CCSER2: variants seen among roughly 807,000 people sequenced by gnomAD.
CCSER2 encodes serine-rich coiled-coil domain-containing protein 2.
In CCSER2, 46 loss-of-function variants were observed where a neutral mutation model predicts 92.3. That is an observed-to-expected ratio of 0.50 (90% CI 0.39 to 0.64). The LOEUF is 0.64. Ranked by LOEUF, CCSER2 falls within the 30% of genes least tolerant of loss-of-function variation. CCSER2 has a pLI of 0.00. For missense variants in CCSER2, 1,244 were observed against 1,238.9 expected, an observed-to-expected ratio of 1.00 and a Z score of -0.06; for synonymous variants, 433 against 431.4, an observed-to-expected ratio of 1.00 and a Z score of -0.04.
Position 84,477,558 on chromosome 10 carries a change from T to G in CCSER2, c.2236-17T>G, listed in dbSNP as rs754980570. 6.7e-7 allele frequency: 1 copy of G among 1,490,492 alleles called. No homozygotes were observed. The highest frequency in any genetic ancestry group is 2.3e-5 in the East Asian group (1 of 44,164). 92.3% of individuals were successfully genotyped at this position (1,490,492 alleles called of 1,614,324 possible). A position where few individuals can be genotyped will look rare whatever the true frequency, so the allele number is the denominator to read the frequency against. On this transcript the variant is annotated splice_polypyrimidine_tract_variant and intron_variant, in intron 8 of 9. Transcript: ENST00000372088. ...TGCAGAATTAAACCAATGTAAAAAT[T>G]TTGTGTTTTTGTTTAGGCAACTCAG...
chr10:84,358,682 A>G (rs982521419), intron 1 of CCSER2, among the ~76,000 whole-genome samples: 15 of 148,904 alleles, frequency 1.0e-4, no homozygotes, highest in Middle Eastern at 3.6e-3. Context: ...ATGTATATAT[A>G]TATACACACA....
intron 1 of CCSER2, among the ~76,000 whole-genome samples, chr10:84,355,932 G>A (rs892378926): frequency 1.9e-4 from 29 of 152,146 alleles, no homozygotes; most frequent in African/African-American, 6.3e-4. Context: ...GTGAAACCCT[G>A]TCTCTACTAA....
chr10:84,420,434 G>C (rs1319775029), intron 4 of CCSER2, among the ~76,000 whole-genome samples: 1 of 152,114 alleles, frequency 6.6e-6, no homozygotes, highest in African/African-American at 2.4e-5. Flanking sequence ...ATCTAGGTTT[G>C]GTACTATAGG....
intron 9 of CCSER2, among the ~76,000 whole-genome samples, chr10:84,482,063 T>TA: frequency 6.6e-6 from 1 of 152,276 alleles, no homozygotes; most frequent in Admixed American, 6.5e-5. Context: ...GATATCTACT[T>TA]ACATGGATAT....
rs558806146 is a variant in CCSER2, at chr10:84,509,631, G to T, written c.2326-3818G>T. On this transcript the variant is annotated intron_variant, in intron 9 of 9. Coordinates refer to ENST00000372088, the MANE Select transcript of CCSER2 (RefSeq NM_001284240.2). The stretch of plus-strand genomic sequence containing the variant: ...GTAAGACTTGAAGTTGCTGAGTTCA[G>T]TTAGAGGCACTTAGCTCTGTAAGTC... Among the ~76,000 whole-genome samples, 5 of 152,314 alleles carry T rather than the reference G, an allele frequency of 3.3e-5. No individual in the cohort carries two copies. The East Asian group carries it at 9.6e-4, about 29-fold the overall frequency.
At chr10:84,490,725 C>T (rs573642804) in intron 9 of CCSER2, among the ~76,000 whole-genome samples, 23 of 152,312 alleles carry the variant, frequency 1.5e-4, no homozygotes, top group African/African-American at 4.8e-4. Flanking sequence ...CTTCTGAAGC[C>T]TTCTTCTCTC....
Position 84,441,736 on chromosome 10 carries a change from GTTTTTTTTTTTTTTTTTTTTTTTTTT to G in CCSER2, c.2064+3044_2064+3069del, listed in dbSNP as rs869280119. 8.9e-4 allele frequency among the ~76,000 whole-genome samples: 39 copies of G among 43,646 alleles called. 1 individual carries two copies. The highest frequency in any genetic ancestry group is 2.3e-3 in the African/African-American group (31 of 13,668). The allele number at this position is 43,646 out of a possible 152,430, so 28.6% of individuals were successfully genotyped here. On this transcript the variant is annotated intron_variant, in intron 6 of 9. Transcript: ENST00000372088. ...GAATAAAGTAGAAGACTGGGAAAAT[GTTTTTTTTTTTTTTTTTTTTTTTTTT>G]TTTTTTTTTTTTTTGAGACGAAGTC...
intron 1 of CCSER2, among the ~76,000 whole-genome samples, chr10:84,344,829 G>A (rs1399117120): frequency 1.3e-5 from 2 of 152,198 alleles, no homozygotes; most frequent in African/African-American, 2.4e-5. Flanking sequence ...GCCGCAATTC[G>A]AAGGCTTGGG....
Position 84,425,907 on chromosome 10 carries a change from T to C in CCSER2, c.1868+14T>C. The C allele has an allele frequency of 2.0e-6, 3 of 1,465,424 alleles. No homozygotes were observed. Among genetic ancestry groups the C allele is most frequent in the Non-Finnish European group, 2.7e-6 (3 of 1,092,080 alleles). The allele number at this position is 1,465,424 out of a possible 1,614,324, so 90.8% of individuals were successfully genotyped here. Reference sequence around the variant, plus strand: ...TGACTTGAGCAGGTAAGTACTGTTCTGACTTAGATTTCATTTGCTGTCCTC... The same window carrying C: ...TGACTTGAGCAGGTAAGTACTGTTCCGACTTAGATTTCATTTGCTGTCCTC... On this transcript the variant is annotated intron_variant, in intron 5 of 9. Coordinates refer to ENST00000372088, the MANE Select transcript of CCSER2 (RefSeq NM_001284240.2).
chr10:84,478,593 GAATT>G (rs1847288809), intron 9 of CCSER2, among the ~76,000 whole-genome samples: 1 of 152,116 alleles, frequency 6.6e-6, no homozygotes, highest in Non-Finnish European at 1.5e-5. Flanking sequence ...ACAATGGTAG[GAATT>G]AATTTATTCA....
chr10:84,415,476 G>T (rs1164871986), intron 3 of CCSER2, among the ~76,000 whole-genome samples: 1 of 152,144 alleles, frequency 6.6e-6, no homozygotes, highest in Admixed American at 6.6e-5. Flanking sequence ...CTTACCTGGA[G>T]ATATCACCAG....
intron 1 of CCSER2, among the ~76,000 whole-genome samples, chr10:84,361,358 T>G (rs970114646): frequency 6.6e-6 from 1 of 152,208 alleles, no homozygotes; most frequent in Non-Finnish European, 1.5e-5. Flanking sequence ...TTGACTTGCT[T>G]GCCTTACAAT....
chr10:84,479,482 T>A (rs116177358), intron 9 of CCSER2, among the ~76,000 whole-genome samples: 140 of 152,138 alleles, frequency 9.2e-4, no homozygotes, highest in African/African-American at 3.3e-3. Flanking sequence ...GCAAATAAGA[T>A]CTCTGAAGTA....
rs1002918333 is a variant in CCSER2 at position 84,470,568 on chromosome 10, T to G, written c.2235+110T>G. 4 of 888,558 alleles carry G rather than the reference T, an allele frequency of 4.5e-6. No individual in the cohort carries two copies. In the African/African-American group the frequency reaches 7.1e-5, roughly 16 times the overall value. The allele number at this position is 888,558 out of a possible 1,614,324, so 55.0% of individuals were successfully genotyped here. On this transcript the variant is annotated intron_variant, in intron 8 of 9. Coordinates refer to ENST00000372088, the MANE Select transcript of CCSER2 (RefSeq NM_001284240.2). ...TAGCTTTATTTTTGGCTCTCAAAGT[T>G]GCACTTTTATATTATTTTTAGATTA...
intron 6 of CCSER2, among the ~76,000 whole-genome samples, chr10:84,441,566 G>C (rs1844536903): frequency 6.6e-6 from 1 of 151,756 alleles, no homozygotes; most frequent in Non-Finnish European, 1.5e-5. Flanking sequence ...TCAGGACTTT[G>C]TACATGGCCA....
chr10:84,364,923 G>A (rs868533251), intron 1 of CCSER2, among the ~76,000 whole-genome samples: 2 of 151,698 alleles, frequency 1.3e-5, no homozygotes, highest in Admixed American at 6.6e-5. Flanking sequence ...TGTATTTGTG[G>A]CAGAGACAGG....
Position 84,510,081 on chromosome 10 carries a change from G to A in CCSER2, c.2326-3368G>A, listed in dbSNP as rs937309622. Reference sequence around the variant, plus strand: ...TCATCTATATCTCCCATCATCTACAGCACAAAGTCATAGCTACTTAGCCTG... The same window carrying A: ...TCATCTATATCTCCCATCATCTACAACACAAAGTCATAGCTACTTAGCCTG... On this transcript the variant is annotated intron_variant, in intron 9 of 9. Coordinates refer to ENST00000372088, the MANE Select transcript of CCSER2 (RefSeq NM_001284240.2). 5.3e-5 allele frequency among the ~76,000 whole-genome samples: 8 copies of A among 152,112 alleles called. No homozygotes were observed. In the East Asian group the frequency reaches 1.2e-3, roughly 22 times the overall value.
chr10:84,365,738 GAA>G (rs1258786694), intron 1 of CCSER2, among the ~76,000 whole-genome samples: 1 of 152,126 alleles, frequency 6.6e-6, no homozygotes, highest in Non-Finnish European at 1.5e-5. Flanking sequence ...TCTTAGGCAG[GAA>G]AATAGAGGCA....
At chr10:84,465,079 T>C (rs1008933908) in intron 7 of CCSER2, among the ~76,000 whole-genome samples, 4 of 152,104 alleles carry the variant, frequency 2.6e-5, no homozygotes, top group East Asian at 1.9e-4. Flanking sequence ...CTACTCTCAG[T>C]ATAATACATT....
Sources: allele counts gnomAD v4.1 joint callset (sites outside exome capture counted in the v4.1 genomes callset), GRCh38; gene constraint gnomAD v4.1.1; transcripts MANE v1.5; gene names NCBI Gene and HGNC (gene_info 2026-07-23, HGNC 2026-07-21).